Variants in ECH1 observed in about 807,000 individuals in gnomAD.
ECH1 encodes enoyl-CoA hydratase 1, also known as delta(3,5)-Delta(2,4)-dienoyl-CoA isomerase, mitochondrial.
In ECH1, 30 loss-of-function variants were observed where a neutral mutation model predicts 37.0. The observed-to-expected ratio is 0.81, with a 90% CI of 0.61 to 1.10. The LOEUF (loss-of-function observed/expected upper bound fraction) is 1.10, where lower values mean the gene tolerates loss of function less well. Ranked by LOEUF, ECH1 falls within the 50% of genes least tolerant of loss-of-function variation. The pLI, the probability that ECH1 is intolerant of heterozygous loss-of-function variation, is 0.00. For synonymous variants in ECH1, 178 were observed against 176.0 expected (o/e 1.01, Z -0.09); for missense variants, 456 against 441.6 (o/e 1.03, Z -0.29).
chr19:38,818,017 G>T (rs953589662), intron 3 of ECH1, among the ~76,000 whole-genome samples: 1 of 152,098 alleles, frequency 6.6e-6, no homozygotes, highest in African/African-American at 2.4e-5. Context: ...GAACTCCCAG[G>T]TTCAAGCAAT....
At chr19:38,821,361 G>A (rs1971658911) in intron 3 of ECH1, among the ~76,000 whole-genome samples, 1 of 152,220 alleles carries the variant, frequency 6.6e-6, no homozygotes, top group African/African-American at 2.4e-5. Context: ...CATGCTGGCA[G>A]CCCTTGCTCG....
At position 38,831,386 on chromosome 19, in the gene ECH1, C is replaced by T. The variant is rs1365268828; in HGVS notation, c.183G>A (p.Thr61=). ...PDHSYESLRV[T]SAQKHVLHVQ... ...CATGCAGAACATGTTTCTGCGCAGA[C>T]GTCACACGAAGGGACTCATAGCTGT... The change falls in exon 2 of 10, where the codon ACG becomes ACA. Residue 61 remains threonine, a synonymous_variant. Transcript: ENST00000221418. The T allele has an allele frequency of 6.2e-7, 1 of 1,613,994 alleles. No homozygotes were observed. Among genetic ancestry groups the T allele is most frequent in the Admixed American group, 1.7e-5 (1 of 60,002 alleles).
chr19:38,831,367 G>C lies in ECH1; in HGVS notation c.202C>G (p.Leu68Val), dbSNP rs1218845700. Residue 68 changes from leucine to valine, a missense_variant, in exon 2 of 10, where the codon CTG becomes GTG. Leu to Val is a conservative substitution (Grantham distance 32, BLOSUM62 1). Coordinates refer to ENST00000221418, the MANE Select transcript of ECH1 (RefSeq NM_001398.3). Reference sequence around the variant, plus strand: ...TTGGGCCGGTTGAGCTGGACATGCAGAACATGTTTCTGCGCAGACGTCACA... The same window carrying C: ...TTGGGCCGGTTGAGCTGGACATGCACAACATGTTTCTGCGCAGACGTCACA... The part of the protein sequence containing the change: ...LRVTSAQKHV[L>V]HVQLNRPNKR... 2.5e-6 allele frequency: 4 copies of C among 1,613,946 alleles called. No homozygotes were observed. The highest frequency in any genetic ancestry group is 3.4e-6 in the Non-Finnish European group (4 of 1,180,002).
At position 38,816,972 on chromosome 19, in the gene ECH1, C is replaced by G. The variant is rs45561337; in HGVS notation, c.588+93G>C. ...AGTCTTACTTTGTCGGGTTCAACTC[C>G]GACTCTTCCATGAAGCCCTCGAGGC... On this transcript the variant is annotated intron_variant, in intron 6 of 9. Transcript: ENST00000221418. 9,054 of 1,403,702 alleles carry G rather than the reference C, an allele frequency of 6.5e-3. 55 individuals carry two copies. The highest frequency in any genetic ancestry group is 0.049 in the Middle Eastern group (277 of 5,682). 87.0% of individuals were successfully genotyped at this position (1,403,702 alleles called of 1,614,324 possible).
At chr19:38,825,701 A>T (rs1054778967) in intron 3 of ECH1, among the ~76,000 whole-genome samples, 2 of 152,222 alleles carry the variant, frequency 1.3e-5, no homozygotes, top group African/African-American at 4.8e-5. Flanking sequence ...GACAGATAGT[A>T]GAGGCCAATC....
intron 3 of ECH1, among the ~76,000 whole-genome samples, chr19:38,824,747 G>A (rs1971714236): frequency 6.6e-6 from 1 of 150,702 alleles, no homozygotes; most frequent in Non-Finnish European, 1.5e-5. Flanking sequence ...ACATCCCACA[G>A]GAGGACCTCT....
At chr19:38,822,923 TG>T (rs1478583867) in intron 3 of ECH1, 1 of 152,820 alleles carries the variant, frequency 6.5e-6, no homozygotes, top group African/African-American at 2.4e-5. Flanking sequence ...GCTCACTCTT[TG>T]GGTCCACACT....
intron 3 of ECH1, among the ~76,000 whole-genome samples, chr19:38,825,677 A>G (rs10417798): frequency 0.2 from 29,934 of 152,142 alleles, 3,667 homozygotes; most frequent in African/African-American, 0.35. Context: ...AACAAACCTT[A>G]GTGGTTCAGA....
intron 8 of ECH1, 28 bp from the exon 9 acceptor site, chr19:38,816,035 T>G: frequency 6.2e-7 from 1 of 1,610,592 alleles, no homozygotes; most frequent in Non-Finnish European, 8.5e-7. Flanking sequence ...AGGGACCGGG[T>G]GGGCTGGGAA....
At position 38,816,318 on chromosome 19, in the gene ECH1, T is replaced by C. The variant is rs758799650; in HGVS notation, c.697A>G (p.Met233Val). The change falls in exon 8 of 10, where the codon ATG becomes GTG. Residue 233 changes from methionine (M) to valine (V), a missense_variant. Met to Val is a conservative substitution (Grantham distance 21, BLOSUM62 1). Transcript: ENST00000221418. ...CCACTGCCCAGGGCCTCGTCAGCCA[T>C]CATCTTGCGGGCGGTGAAGGCCAGC... Reference protein sequence around the residue: ...NELAFTARKMMADEALGSGLV... With the variant: ...NELAFTARKMVADEALGSGLV... 8 of 1,613,744 alleles carry C rather than the reference T, an allele frequency of 5.0e-6. No homozygotes were observed. Among genetic ancestry groups the C allele is most frequent in the South Asian group, 1.1e-5 (1 of 91,068 alleles).
chr19:38,829,047 G>A (rs1971778286), intron 3 of ECH1, among the ~76,000 whole-genome samples: 1 of 151,410 alleles, frequency 6.6e-6, no homozygotes, highest in African/African-American at 2.4e-5. Flanking sequence ...CACTTTGGGA[G>A]GCCGAGGGGG....
In ECH1 at chr19:38,816,669, A is replaced by G. The variant is rs1971582023; in HGVS notation, c.589-146T>C. The G allele has an allele frequency of 3.9e-6, 4 of 1,033,586 alleles. No homozygotes were observed. In the South Asian group the frequency reaches 6.0e-5, roughly 15 times the overall value. The allele number at this position is 1,033,586 out of a possible 1,614,324, so 64.0% of individuals were successfully genotyped here. Reference sequence around the variant, plus strand: ...CCTCCAAAGTCCCATTCCATTGCCCAGGCAGCTTCTTGACTCAGGCAAGTT... The same window carrying G: ...CCTCCAAAGTCCCATTCCATTGCCCGGGCAGCTTCTTGACTCAGGCAAGTT... On this transcript the variant is annotated intron_variant, in intron 6 of 9. Transcript: ENST00000221418.
Position 38,817,819 on chromosome 19 carries a change from C to T in ECH1, c.350-244G>A, listed in dbSNP as rs142246969. The T allele has an allele frequency of 1.9e-5, 18 of 943,754 alleles. No individual in the cohort carries two copies. In the East Asian group the frequency reaches 1.4e-3, roughly 73 times the overall value. 58.5% of individuals were successfully genotyped at this position (943,754 alleles called of 1,614,324 possible). On this transcript the variant is annotated intron_variant, in intron 3 of 9. Coordinates refer to ENST00000221418, the MANE Select transcript of ECH1 (RefSeq NM_001398.3). The stretch of plus-strand genomic sequence containing the variant: ...CAACCGTACCAGCTAGGTCCTATTA[C>T]TATTTGTGTTACCAATGGGTAAACT...
At position 38,831,043 on chromosome 19, in the gene ECH1, G is replaced by A. The variant is rs779126985; in HGVS notation, c.349+35C>T. On this transcript the variant is annotated intron_variant, in intron 3 of 9. Transcript: ENST00000221418. Reference sequence around the variant, plus strand: ...TCCACTGTCTATTGCCAGGAGCTAGGAAGGCTGGCAGGGTGTGTGAAGAGC... The same window carrying A: ...TCCACTGTCTATTGCCAGGAGCTAGAAAGGCTGGCAGGGTGTGTGAAGAGC... 1.8e-5 allele frequency: 29 copies of A among 1,589,876 alleles called. No individual in the cohort carries two copies. In the East Asian group the frequency reaches 2.5e-4, roughly 13 times the overall value.
intron 3 of ECH1, among the ~76,000 whole-genome samples, chr19:38,822,246 C>T (rs190016341): frequency 6.6e-6 from 1 of 151,872 alleles, no homozygotes; most frequent in Admixed American, 6.6e-5. Context: ...CTGTGTCTAG[C>T]TCAAGGTTTG....
rs58750431 is a variant in ECH1, at chr19:38,815,889, C to T, written c.850G>A (p.Asp284Asn). ...STKVNLLYSR[D>N]HSVAESLNYV... ...TTGAGGCTCTCGGCCACCGAATGGT[C>T]GCGGGAATACAGCAGGTTGACCTTG... is the stretch of plus-strand genomic sequence containing the variant. The change falls in exon 9 of 10, where the codon GAC becomes AAC. Residue 284 changes from aspartate to asparagine, a missense_variant. By Grantham distance (23) the Asp-to-Asn change is conservative. Transcript: ENST00000221418. The T allele has an allele frequency of 8.8e-3, 14,245 of 1,614,150 alleles. 647 individuals carry two copies. The East Asian group carries it at 0.094, about 11-fold the overall frequency.
intron 3 of ECH1, among the ~76,000 whole-genome samples, chr19:38,822,004 T>C (rs1971670472): frequency 6.6e-6 from 1 of 152,258 alleles, no homozygotes; most frequent in African/African-American, 2.4e-5. Flanking sequence ...GCACTCTGTA[T>C]CTAGCTAATC....
intron 8 of ECH1, 69 bp from the exon 9 acceptor site, chr19:38,816,076 A>T: frequency 6.3e-7 from 1 of 1,593,598 alleles, no homozygotes; most frequent in Non-Finnish European, 8.5e-7. Context: ...CCGCAGATGA[A>T]GAAGTGGCCA....
At chr19:38,826,402 A>G (rs1054750169) in intron 3 of ECH1, among the ~76,000 whole-genome samples, 2 of 152,232 alleles carry the variant, frequency 1.3e-5, no homozygotes, top group Non-Finnish European at 2.9e-5. Context: ...TGAAGCTCAT[A>G]AACGATTACA....
Sources: allele counts gnomAD v4.1 joint callset (sites outside exome capture counted in the v4.1 genomes callset), GRCh38; gene constraint gnomAD v4.1.1; transcripts MANE v1.5; gene names NCBI Gene and HGNC (gene_info 2026-07-23, HGNC 2026-07-21).